The following GPHN variants were observed in gnomAD, a reference collection of about 807,000 sequenced individuals.
GPHN encodes the protein gephyrin.
In GPHN, 17 loss-of-function variants were observed where a neutral mutation model predicts 95.5. The ratio of observed to expected loss-of-function variants is 0.18; its 90% CI spans 0.12 to 0.27. The LOEUF (loss-of-function observed/expected upper bound fraction) is 0.27, where lower values mean the gene tolerates loss of function less well. GPHN is among the 10% of genes least tolerant of loss of function. The probability of loss-of-function intolerance (pLI) is 1.00; values close to 1 mark genes in which losing one functional copy is unlikely to be tolerated. For synonymous variants in GPHN, 320 were observed against 322.5 expected (o/e 0.99, Z 0.08); for missense variants, 660 against 978.1 (o/e 0.67, Z 4.34).
intron 10 of GPHN, among the ~76,000 whole-genome samples, chr14:67,057,266 A>G (rs1041411576): frequency 6.6e-6 from 1 of 152,242 alleles, no homozygotes; most frequent in African/African-American, 2.4e-5. Flanking sequence ...AGCCGTAAAA[A>G]GGAATGAGAT....
At chr14:66,916,184 T>A (rs556328796) in intron 6 of GPHN, 115 bp downstream of exon 6, 2 of 723,476 alleles carry the variant, frequency 2.8e-6, no homozygotes, top group Non-Finnish European at 5.1e-6. Flanking sequence ...CTGATACCAA[T>A]TGCAGGATTC....
intron 2 of GPHN, among the ~76,000 whole-genome samples, chr14:66,702,783 A>G (rs2068683885): frequency 6.6e-6 from 1 of 152,172 alleles, no homozygotes; most frequent in Non-Finnish European, 1.5e-5. Flanking sequence ...GGAACCTGAT[A>G]GAGGATGAGA....
the GPHN span, among the ~76,000 whole-genome samples, chr14:67,375,073 G>A: frequency 6.6e-6 from 1 of 152,138 alleles, no homozygotes; most frequent in African/African-American, 2.4e-5. Context: ...TAGCGTGTTA[G>A]GATTATTTCT....
At chr14:67,013,035 G>C (rs1029287764) in intron 9 of GPHN, among the ~76,000 whole-genome samples, 4 of 151,964 alleles carry the variant, frequency 2.6e-5, no homozygotes, top group Non-Finnish European at 4.4e-5. Context: ...TAAATTCCAA[G>C]ATAGCAAGGT....
the GPHN span, among the ~76,000 whole-genome samples, chr14:67,289,928 G>A: frequency 4.6e-5 from 7 of 151,844 alleles, no homozygotes; most frequent in African/African-American, 1.2e-4. Context: ...CCACCACCAC[G>A]CCCGGCTAAT....
intron 1 of GPHN, among the ~76,000 whole-genome samples, chr14:66,606,456 G>C (rs2062540726): frequency 6.6e-6 from 1 of 152,072 alleles, no homozygotes; most frequent in South Asian, 2.1e-4. Flanking sequence ...TTGGCGATTT[G>C]GGATCTGCTT....
chr14:67,570,281 T>C, the GPHN span: 38 of 966,592 alleles, frequency 3.9e-5, no homozygotes, highest in East Asian at 1.1e-4. Flanking sequence ...CCTTTTCTCA[T>C]GTCTGCCTCA....
At chr14:66,787,360 C>A (rs1422844053) in intron 3 of GPHN, among the ~76,000 whole-genome samples, 2 of 152,146 alleles carry the variant, frequency 1.3e-5, no homozygotes, top group Non-Finnish European at 2.9e-5. Context: ...AATAAAGACA[C>A]ATTCTGTGTT....
At chr14:67,239,053 A>C in the GPHN span, among the ~76,000 whole-genome samples, 43 of 152,224 alleles carry the variant, frequency 2.8e-4, no homozygotes, top group Non-Finnish European at 5.6e-4. Flanking sequence ...CTGGTCTGCT[A>C]TCTCACACTC....
intron 10 of GPHN, among the ~76,000 whole-genome samples, chr14:67,052,924 AC>A (rs1471930968): frequency 1.3e-5 from 2 of 152,142 alleles, no homozygotes; most frequent in Non-Finnish European, 2.9e-5. Flanking sequence ...TCATGCCAGA[AC>A]CTCTGGGACG....
chr14:67,446,035 G>A, the GPHN span: 14 of 518,156 alleles, frequency 2.7e-5, no homozygotes, highest in African/African-American at 2.5e-4. Flanking sequence ...CATTTTAATG[G>A]CAAGATGGGA....
chr14:66,826,891 A>G (rs1407000461), intron 4 of GPHN, among the ~76,000 whole-genome samples: 1 of 152,122 alleles, frequency 6.6e-6, no homozygotes, highest in Non-Finnish European at 1.5e-5. Context: ...TCCAATGCTC[A>G]TAATAACTTA....
the GPHN span, among the ~76,000 whole-genome samples, chr14:67,329,728 A>C: frequency 6.6e-6 from 1 of 152,090 alleles, no homozygotes; most frequent in East Asian, 1.9e-4. Flanking sequence ...AAAATACAAA[A>C]AACATTAGCC....
At chr14:67,563,707 G>T in the GPHN span, among the ~76,000 whole-genome samples, 1 of 143,060 alleles carries the variant, frequency 7.0e-6, no homozygotes, top group Admixed American at 7.1e-5. Flanking sequence ...TGCTGGGATT[G>T]TAAGTATGAG....
intron 14 of GPHN, 98 bp downstream of exon 14, chr14:67,110,357 G>A (rs2078296085): frequency 7.3e-7 from 1 of 1,376,630 alleles, no homozygotes; most frequent in Admixed American, 1.7e-5. Flanking sequence ...CAGTTTTTTG[G>A]GTTGTTTAGT....
At chr14:67,634,847 C>T in the GPHN span, among the ~76,000 whole-genome samples, 3 of 152,214 alleles carry the variant, frequency 2.0e-5, no homozygotes, top group Non-Finnish European at 4.4e-5. Context: ...TTATCCCTCT[C>T]TATTAATGAC....
chr14:67,185,646 A>G (rs543460121), downstream of GPHN, among the ~76,000 whole-genome samples: 1 of 152,234 alleles, frequency 6.6e-6, no homozygotes, highest in South Asian at 2.1e-4. Context: ...GGTTGTTTCA[A>G]ATCATATCAG....
intron 8 of GPHN, among the ~76,000 whole-genome samples, chr14:66,942,752 A>T (rs1415231386): frequency 6.6e-6 from 1 of 152,214 alleles, no homozygotes; most frequent in Non-Finnish European, 1.5e-5. Flanking sequence ...ATGCCAAATA[A>T]TCCTGTTTAC....
At chr14:66,572,960 G>A (rs2060756298) in intron 1 of GPHN, among the ~76,000 whole-genome samples, 1 of 151,994 alleles carries the variant, frequency 6.6e-6, no homozygotes, top group Admixed American at 6.6e-5. Flanking sequence ...TTTTCCCTTT[G>A]CCTTCTTCTT....
Sources: allele counts gnomAD v4.1 joint callset (sites outside exome capture counted in the v4.1 genomes callset), GRCh38; gene constraint gnomAD v4.1.1; transcripts MANE v1.5; gene names NCBI Gene and HGNC (gene_info 2026-07-23, HGNC 2026-07-21).